Variants in INPP5B observed in about 807,000 individuals in gnomAD.
INPP5B encodes the protein inositol polyphosphate-5-phosphatase B.
In INPP5B, 90 loss-of-function variants were observed where a neutral mutation model predicts 118.5. The ratio of observed to expected loss-of-function variants is 0.76; its 90% CI spans 0.64 to 0.90. The LOEUF is 0.90. INPP5B is among the 40% of genes least tolerant of loss of function. The probability of loss-of-function intolerance (pLI) is 0.00; values close to 1 mark genes in which losing one functional copy is unlikely to be tolerated. For missense variants in INPP5B, 984 were observed against 1,125.6 expected (o/e 0.87, Z 1.80); for synonymous variants, 385 against 418.9 (o/e 0.92, Z 0.99).
At chr1:37,922,604 A>G (rs1389285351) in intron 7 of INPP5B, among the ~76,000 whole-genome samples, 4 of 151,934 alleles carry the variant, frequency 2.6e-5, no homozygotes, top group Non-Finnish European at 5.9e-5. Context: ...GCTGAGGCAG[A>G]AGAATGGCAT....
intron 7 of INPP5B, among the ~76,000 whole-genome samples, chr1:37,925,878 C>A (rs2148647496): frequency 6.6e-6 from 1 of 152,316 alleles, no homozygotes; most frequent in Non-Finnish European, 1.5e-5. Flanking sequence ...AAAACGAATA[C>A]AGTTCTCTTT....
At chr1:37,875,753 T>C (rs745906121) in intron 16 of INPP5B, 37 bp from the exon 17 acceptor site, 8 of 1,478,486 alleles carry the variant, frequency 5.4e-6, no homozygotes, top group Non-Finnish European at 7.6e-6. Flanking sequence ...TACCTTGGCT[T>C]CTGCCCATTT....
chr1:37,885,652 G>A lies in INPP5B; in HGVS notation c.1305C>T (p.Thr435=). ...CCCAGACTCACTCATGGTTGCTGAT[G>A]GTGAGAGGGGGAAGGCTTGGGTCAG... ...CQPDPSLPPL[T]ISNHDVILWL... is the part of the protein sequence containing the mutation. The change falls in exon 13 of 24, where the codon ACC becomes ACT. Residue 435 remains threonine (T), a synonymous_variant. Coordinates refer to ENST00000373024, the MANE Select transcript of INPP5B (RefSeq NM_005540.3). 6.2e-7 allele frequency: 1 copy of A among 1,613,744 alleles called. No individual in the cohort carries two copies. Among genetic ancestry groups the A allele is most frequent in the Non-Finnish European group, 8.5e-7 (1 of 1,179,942 alleles).
In INPP5B at chr1:37,942,995, T is replaced by G. The variant is rs532229052; in HGVS notation, c.280+645A>C. ...GATACAAAACAATTTCAGGATTTTT[T>G]GGGGGTTTTTTGTTTGTTTTTTGAG... On this transcript the variant is annotated intron_variant, in intron 5 of 23. Coordinates refer to ENST00000373024, the MANE Select transcript of INPP5B (RefSeq NM_005540.3). Among the ~76,000 whole-genome samples the G allele has an allele frequency of 1.6e-3, 238 of 151,876 alleles. 1 individual carries two copies. The highest frequency in any genetic ancestry group is 6.5e-3 in the South Asian group (31 of 4,788).
At chr1:37,881,327 G>A (rs1158536353) in intron 14 of INPP5B, among the ~76,000 whole-genome samples, 1 of 152,122 alleles carries the variant, frequency 6.6e-6, no homozygotes, top group Admixed American at 6.6e-5. Context: ...AACAGTGCCT[G>A]ACACATTAGG....
intron 7 of INPP5B, chr1:37,928,840 C>T (rs890076921): frequency 6.6e-6 from 1 of 152,116 alleles, no homozygotes; most frequent in Non-Finnish European, 1.5e-5. Context: ...TCTAGGCTAT[C>T]AAGTAGTGGG....
intron 8 of INPP5B, 126 bp downstream of exon 8, chr1:37,891,227 CAAAAA>C: frequency 1.4e-5 from 6 of 430,172 alleles, no homozygotes; most frequent in Non-Finnish European, 8.3e-6. Flanking sequence ...AACTCTGTCT[CAAAAA>C]AAAAAAAAAA....
chr1:37,872,393 T>C (rs906884085), intron 19 of INPP5B, among the ~76,000 whole-genome samples: 1 of 119,980 alleles, frequency 8.3e-6, no homozygotes, highest in Non-Finnish European at 1.8e-5. Flanking sequence ...AAAAAAGAAG[T>C]GGAGTCTTTC....
intron 13 of INPP5B, among the ~76,000 whole-genome samples, chr1:37,884,704 C>A (rs563395555): frequency 7.9e-5 from 12 of 152,090 alleles, no homozygotes; most frequent in Non-Finnish European, 2.9e-5. Flanking sequence ...GTAATCCCAG[C>A]ACTTTGGGAG....
At chr1:37,946,451 C>T (rs896695390) in intron 1 of INPP5B, 117 bp from the exon 2 acceptor site, 26 of 689,800 alleles carry the variant, frequency 3.8e-5, no homozygotes, top group African/African-American at 5.3e-5. Context: ...GAGATGGTAC[C>T]GGGGAGGCCT....
chr1:37,944,815 C>T (rs1646060498), intron 3 of INPP5B, among the ~76,000 whole-genome samples: 2 of 151,718 alleles, frequency 1.3e-5, no homozygotes, highest in African/African-American at 4.8e-5. Flanking sequence ...GGGGCGGTCT[C>T]GCTATGTTGC....
At chr1:37,870,309 T>C (rs374635931) in intron 19 of INPP5B, among the ~76,000 whole-genome samples, 2 of 152,106 alleles carry the variant, frequency 1.3e-5, no homozygotes, top group East Asian at 3.9e-4. Context: ...TGGAGTCTCA[T>C]TACGTTGAGC....
rs1224982352 is a variant in INPP5B, at chr1:37,861,988, A to G, written c.*327T>C. 1.0e-5 allele frequency: 2 copies of G among 196,008 alleles called. No individual in the cohort carries two copies. The highest frequency in any genetic ancestry group is 4.7e-5 in the African/African-American group (2 of 42,350). 12.1% of individuals were successfully genotyped at this position (196,008 alleles called of 1,614,324 possible). A position where few individuals can be genotyped will look rare whatever the true frequency, so the allele number is the denominator to read the frequency against. On this transcript the variant is annotated 3_prime_UTR_variant, in exon 24 of 24. Coordinates refer to ENST00000373024, the MANE Select transcript of INPP5B (RefSeq NM_005540.3). ...GAGGCAGAGGTTGCAGTGAGCCGAGATCGTGCCACCGCACTCCACCCTGCG... is the reference window on the plus strand; with the variant it reads ...GAGGCAGAGGTTGCAGTGAGCCGAGGTCGTGCCACCGCACTCCACCCTGCG...
At chr1:37,911,460 T>C (rs1488926674) in intron 7 of INPP5B, among the ~76,000 whole-genome samples, 1 of 152,164 alleles carries the variant, frequency 6.6e-6, no homozygotes, top group Non-Finnish European at 1.5e-5. Context: ...TTCCTCACCC[T>C]GATAACACTT....
intron 23 of INPP5B, 122 bp downstream of exon 23, chr1:37,864,190 C>T (rs183660953): frequency 1.3e-4 from 77 of 615,042 alleles, no homozygotes; most frequent in Non-Finnish European, 2.1e-4. Flanking sequence ...TTTAAAAAAT[C>T]TTTGCCCAGA....
intron 7 of INPP5B, among the ~76,000 whole-genome samples, chr1:37,896,459 C>G (rs1490460652): frequency 6.8e-6 from 1 of 146,964 alleles, no homozygotes; most frequent in African/African-American, 2.5e-5. Context: ...CTGCCCCGTC[C>G]GGGAGGGAGG....
At chr1:37,932,076 A>C (rs988207117) in intron 6 of INPP5B, 23 bp from the exon 7 acceptor site, 2 of 1,552,424 alleles carry the variant, frequency 1.3e-6, no homozygotes. Flanking sequence ...AAATGGGGGC[A>C]GACTGAGCCA....
chr1:37,866,404 TCTCACACA>T lies in INPP5B; in HGVS notation c.2386+47_2386+54del, dbSNP rs752392297. ...CTCATATTCTCTCTCTCTCTCTCTC[TCTCACACA>T]CACACACACACACACACACACACAG... On this transcript the variant is annotated intron_variant, in intron 21 of 23. Transcript: ENST00000373024. The T allele has an allele frequency of 2.3e-3, 861 of 366,982 alleles. 1 individual carries two copies. The highest frequency in any genetic ancestry group is 0.015 in the South Asian group (380 of 24,816). The allele number at this position is 366,982 out of a possible 1,614,324, so 22.7% of individuals were successfully genotyped here.
intron 7 of INPP5B, among the ~76,000 whole-genome samples, chr1:37,917,289 G>C (rs1461226222): frequency 3.2e-4 from 25 of 76,940 alleles, no homozygotes; most frequent in African/African-American, 1.0e-3. Flanking sequence ...ACTCCGTCTC[G>C]GGGGAAAAAA....
Sources: allele counts gnomAD v4.1 joint callset (sites outside exome capture counted in the v4.1 genomes callset), GRCh38; gene constraint gnomAD v4.1.1; transcripts MANE v1.5; gene names NCBI Gene and HGNC (gene_info 2026-07-23, HGNC 2026-07-21).